The following DLG2 variants were observed in gnomAD, a reference collection of about 807,000 sequenced individuals.
DLG2 encodes discs large MAGUK scaffold protein 2.
In DLG2, 45 loss-of-function variants were observed where a neutral mutation model predicts 132.5. The ratio of observed to expected loss-of-function variants is 0.34; its 90% CI spans 0.27 to 0.44. The LOEUF (loss-of-function observed/expected upper bound fraction) is 0.44. Ranked by LOEUF, DLG2 falls within the 20% of genes least tolerant of loss-of-function variation. The pLI is 1.00. For missense variants in DLG2, 1,045 were observed against 1,196.9 expected (o/e 0.87, Z 1.87); for synonymous variants, 424 against 419.6 (o/e 1.01, Z -0.13).
intron 6 of DLG2, among the ~76,000 whole-genome samples, chr11:84,909,265 T>C (rs1048539039): frequency 1.3e-5 from 2 of 152,220 alleles, no homozygotes; most frequent in African/African-American, 4.8e-5. Context: ...AATTCCAGTA[T>C]CTTTCCCTTG....
chr11:83,488,710 C>T (rs1049902363), intron 21 of DLG2, among the ~76,000 whole-genome samples: 4 of 151,950 alleles, frequency 2.6e-5, no homozygotes, highest in African/African-American at 4.8e-5. Flanking sequence ...TTATACTGAG[C>T]TCAGATACGT....
chr11:85,042,432 G>A (rs949835963), intron 6 of DLG2, among the ~76,000 whole-genome samples: 1 of 151,966 alleles, frequency 6.6e-6, no homozygotes, highest in South Asian at 2.1e-4. Context: ...CTTAATTCTT[G>A]CAACATCCAA....
intron 6 of DLG2, among the ~76,000 whole-genome samples, chr11:84,747,225 T>C (rs1350830049): frequency 1.3e-5 from 2 of 151,528 alleles, no homozygotes; most frequent in East Asian, 1.9e-4. Context: ...TAAAGGTATA[T>C]GCAATTCCCT....
chr11:83,460,785 A>G (rs964216864), intron 27 of DLG2, among the ~76,000 whole-genome samples: 1 of 152,180 alleles, frequency 6.6e-6, no homozygotes, highest in African/African-American at 2.4e-5. Context: ...AATATAAACC[A>G]CTGTCAAAAT....
intron 11 of DLG2, among the ~76,000 whole-genome samples, chr11:84,057,062 C>G (rs564274441): frequency 9.9e-5 from 15 of 152,226 alleles, no homozygotes; most frequent in South Asian, 4.1e-4. Flanking sequence ...CCTAGGTATA[C>G]CAAGTTGATT....
At chr11:85,042,514 T>C (rs546735716) in intron 6 of DLG2, among the ~76,000 whole-genome samples, 1 of 152,076 alleles carries the variant, frequency 6.6e-6, no homozygotes, top group African/African-American at 2.4e-5. Context: ...GGCTAGTAAA[T>C]GGAAGAAAAG....
chr11:84,857,258 C>A (rs572749153), intron 6 of DLG2, among the ~76,000 whole-genome samples: 1 of 151,748 alleles, frequency 6.6e-6, no homozygotes, highest in African/African-American at 2.4e-5. Flanking sequence ...TTTAAATGGG[C>A]AGGTCCTATC....
Position 85,347,967 on chromosome 11 carries a change from C to CTT in DLG2, c.41-62604_41-62603dup, listed in dbSNP as rs35083224. Among the ~76,000 whole-genome samples the CTT allele has an allele frequency of 1.3e-3, 53 of 40,404 alleles. 6 individuals carry two copies. The highest frequency in any genetic ancestry group is 2.3e-3 in the African/African-American group (22 of 9,768). The allele number at this position is 40,404 out of a possible 152,430, so 26.5% of individuals were successfully genotyped here. A position where few individuals can be genotyped will look rare whatever the true frequency, so the allele number is the denominator to read the frequency against. On this transcript the variant is annotated intron_variant, in intron 3 of 27. Transcript: ENST00000376104. ...TACAGACTCATGCCACCACACTTAACTTTTTTTTTTTTTTTTTTTTTTTTT... is the reference window on the plus strand; with the variant it reads ...TACAGACTCATGCCACCACACTTAACTTTTTTTTTTTTTTTTTTTTTTTTTTT...
At chr11:84,277,915 T>C (rs2097798975) in intron 7 of DLG2, among the ~76,000 whole-genome samples, 1 of 152,098 alleles carries the variant, frequency 6.6e-6, no homozygotes, top group Non-Finnish European at 1.5e-5. Context: ...TGTATGTAGG[T>C]ATATATTTAT....
At chr11:84,457,383 G>T (rs1326265930) in intron 7 of DLG2, among the ~76,000 whole-genome samples, 1 of 150,776 alleles carries the variant, frequency 6.6e-6, no homozygotes, top group South Asian at 2.1e-4. Context: ...CTCGATAAAT[G>T]GAATAAAATG....
At chr11:84,785,294 T>C (rs1044270386) in intron 6 of DLG2, among the ~76,000 whole-genome samples, 9 of 152,112 alleles carry the variant, frequency 5.9e-5, no homozygotes, top group African/African-American at 1.9e-4. Context: ...CAGTATAATT[T>C]TTTTCTGATC....
intron 6 of DLG2, among the ~76,000 whole-genome samples, chr11:84,827,917 G>T (rs2078546766): frequency 6.6e-6 from 1 of 151,696 alleles, no homozygotes; most frequent in Non-Finnish European, 1.5e-5. Context: ...TTGAACTCAT[G>T]GACATAGGGA....
chr11:85,132,841 CA>C (rs1258092476), intron 5 of DLG2: 17 of 456,586 alleles, frequency 3.7e-5, no homozygotes, highest in Admixed American at 1.6e-4. Context: ...ATCACACCAG[CA>C]AATCAGCAAA....
intron 6 of DLG2, among the ~76,000 whole-genome samples, chr11:84,945,902 G>T (rs990535050): frequency 1.3e-5 from 2 of 152,082 alleles, no homozygotes; most frequent in Non-Finnish European, 2.9e-5. Context: ...CTGCAGCTGA[G>T]CTGGTACCTT....
intron 5 of DLG2, among the ~76,000 whole-genome samples, chr11:85,132,432 A>G (rs1207777271): frequency 6.6e-6 from 1 of 152,124 alleles, no homozygotes; most frequent in African/African-American, 2.4e-5. Context: ...GTTAAGTTAA[A>G]CTGATGTGTA....
At chr11:84,383,359 A>G (rs2098755690) in intron 7 of DLG2, among the ~76,000 whole-genome samples, 1 of 152,000 alleles carries the variant, frequency 6.6e-6, no homozygotes, top group African/African-American at 2.4e-5. Flanking sequence ...CCTGCTGTCC[A>G]TGCATTTACC....
At chr11:84,423,780 A>T (rs967353121) in intron 7 of DLG2, among the ~76,000 whole-genome samples, 4 of 152,170 alleles carry the variant, frequency 2.6e-5, no homozygotes, top group Non-Finnish European at 4.4e-5. Context: ...CTAGTGATTC[A>T]ATTACATAAA....
intron 3 of DLG2, among the ~76,000 whole-genome samples, chr11:85,475,128 AC>A: frequency 6.6e-6 from 1 of 151,934 alleles, no homozygotes; most frequent in South Asian, 2.1e-4. Context: ...TGTACAGCAA[AC>A]TTTTTAAACT....
At chr11:84,950,185 A>G (rs1469406073) in intron 6 of DLG2, among the ~76,000 whole-genome samples, 1 of 152,114 alleles carries the variant, frequency 6.6e-6, no homozygotes, top group Non-Finnish European at 1.5e-5. Flanking sequence ...ACATTTTTAA[A>G]GTTTGGAGCA....
Sources: gnomAD v4.1 joint callset for allele counts (sites outside exome capture counted in the v4.1 genomes callset) on GRCh38, gnomAD v4.1.1 for gene constraint, MANE v1.5 for transcripts, NCBI Gene and HGNC (gene_info 2026-07-23, HGNC 2026-07-21) for gene names.